The following RBFOX1 variants were observed in gnomAD, a reference collection of about 807,000 sequenced individuals.
The protein encoded by RBFOX1 is RNA binding fox-1 homolog 1.
A neutral mutation model predicts 57.7 loss-of-function variants in RBFOX1; 8 were observed. That is an observed-to-expected ratio of 0.14 (90% CI 0.08 to 0.25). RBFOX1 has a LOEUF of 0.25. Ranked by LOEUF, RBFOX1 falls within the 10% of genes least tolerant of loss-of-function variation. The pLI, the probability that RBFOX1 is intolerant of heterozygous loss-of-function variation, is 1.00. For missense variants in RBFOX1, 611 were observed against 548.5 expected, an observed-to-expected ratio of 1.11 and a Z score of -1.14; for synonymous variants, 326 against 222.4, an observed-to-expected ratio of 1.47 and a Z score of -4.15.
At chr16:7,028,949 G>A (rs1235409797) in intron 3 of RBFOX1, among the ~76,000 whole-genome samples, 1 of 148,976 alleles carries the variant, frequency 6.7e-6, no homozygotes, top group East Asian at 2.0e-4. Flanking sequence ...AAGTTTAAAT[G>A]ACCATAGCAG....
intron 4 of RBFOX1, chr16:7,328,556 C>T (rs1205903010): frequency 1.4e-5 from 2 of 146,836 alleles, no homozygotes; most frequent in Non-Finnish European, 3.0e-5. Context: ...ATGCCTTTAT[C>T]TAGAACAGGA....
At chr16:5,538,869 G>A (rs909517282) in intron 2 of RBFOX1, among the ~76,000 whole-genome samples, 8 of 152,122 alleles carry the variant, frequency 5.3e-5, no homozygotes, top group Non-Finnish European at 8.8e-5. Context: ...ATCATGATCT[G>A]CCCACCTCAG....
intron 2 of RBFOX1, among the ~76,000 whole-genome samples, chr16:5,523,711 C>T (rs1440506033): frequency 6.6e-6 from 1 of 152,222 alleles, no homozygotes; most frequent in Non-Finnish European, 1.5e-5. Context: ...AGTGGAGTTG[C>T]TGGATCAAGT....
chr16:6,517,673 C>T (rs1413606943), intron 2 of RBFOX1, among the ~76,000 whole-genome samples: 2 of 152,156 alleles, frequency 1.3e-5, no homozygotes, highest in African/African-American at 4.8e-5. Context: ...ATAAACTGGC[C>T]TCTTTCCTAT....
intron 4 of RBFOX1, among the ~76,000 whole-genome samples, chr16:5,893,840 A>G (rs536447483): frequency 2.6e-5 from 4 of 152,200 alleles, no homozygotes; most frequent in Admixed American, 1.3e-4. Flanking sequence ...CCATAAATAT[A>G]TGCACCTGCT....
At position 7,250,338 on chromosome 16, in the gene RBFOX1, A is replaced by T. The variant is rs188202993; in HGVS notation, c.27+198240A>T. On this transcript the variant is annotated intron_variant, in intron 4 of 15. Transcript: ENST00000550418. ...CGTGGGATGCTTATATTAATTGTTT[A>T]CTGGTGACCATGGATGCTGACACAA... Among the ~76,000 whole-genome samples, 311 of 152,282 alleles carry T rather than the reference A, an allele frequency of 2.0e-3. 2 individuals are homozygous for T. Among genetic ancestry groups the T allele is most frequent in the South Asian group, 1.0e-2 (48 of 4,824 alleles).
At chr16:5,713,517 C>T (rs994571036) in intron 3 of RBFOX1, among the ~76,000 whole-genome samples, 2 of 152,092 alleles carry the variant, frequency 1.3e-5, no homozygotes, top group African/African-American at 4.8e-5. Flanking sequence ...CTCTTTGTTC[C>T]TAAGGAGGGT....
intron 4 of RBFOX1, among the ~76,000 whole-genome samples, chr16:7,219,112 G>A (rs577268385): frequency 6.6e-6 from 1 of 152,286 alleles, no homozygotes; most frequent in South Asian, 2.1e-4. Context: ...ATTGCAGGCA[G>A]CTGAGCTGGC....
intron 4 of RBFOX1, among the ~76,000 whole-genome samples, chr16:7,207,655 G>A (rs1486525866): frequency 1.3e-5 from 2 of 152,174 alleles, no homozygotes; most frequent in Non-Finnish European, 2.9e-5. Flanking sequence ...AAGAAGGATG[G>A]AGCGGAAGAA....
chr16:6,946,795 C>G (rs76751712), intron 3 of RBFOX1, among the ~76,000 whole-genome samples: 11,053 of 152,134 alleles, frequency 0.073, 465 homozygotes, highest in Middle Eastern at 0.092. Flanking sequence ...TTTGCAGAGA[C>G]AGGGTCTCAC....
chr16:5,852,001 T>G (rs1203490308), intron 3 of RBFOX1, among the ~76,000 whole-genome samples: 1 of 152,188 alleles, frequency 6.6e-6, no homozygotes, highest in African/African-American at 2.4e-5. Flanking sequence ...TTCCCTTCTC[T>G]GTTTTTAAAA....
chr16:6,849,434 G>C (rs761872726), intron 3 of RBFOX1, among the ~76,000 whole-genome samples: 159 of 152,320 alleles, frequency 1.0e-3, no homozygotes, highest in Non-Finnish European at 1.9e-3. Context: ...TTGGGAGGCT[G>C]AGGCTGGTAG....
intron 4 of RBFOX1, among the ~76,000 whole-genome samples, chr16:7,336,777 T>C (rs2096796402): frequency 6.6e-6 from 1 of 152,232 alleles, no homozygotes; most frequent in African/African-American, 2.4e-5. Context: ...CCTATATCTG[T>C]AATTGTAAAT....
intron 1 of RBFOX1, among the ~76,000 whole-genome samples, chr16:6,234,252 C>A (rs993298089): frequency 3.3e-5 from 5 of 152,184 alleles, no homozygotes; most frequent in Non-Finnish European, 5.9e-5. Context: ...TTCCTGCCCA[C>A]TGTCAATTTT....
In RBFOX1 at chr16:6,479,598, A is replaced by C. The variant is rs538820929; in HGVS notation, c.-64+162541A>C. Among the ~76,000 whole-genome samples, 5 of 152,152 alleles carry C rather than the reference A, an allele frequency of 3.3e-5. 1 individual carries two copies. In the South Asian group the frequency reaches 6.2e-4, roughly 19 times the overall value. On this transcript the variant is annotated intron_variant, in intron 2 of 15. Coordinates refer to ENST00000550418, the MANE Select transcript of RBFOX1 (RefSeq NM_018723.4). ...ACGAGATGCTGTCTCAAAAAAGAAA[A>C]AGAAAAGAAAACCATGAAACCATCA...
chr16:6,088,733 A>G (rs963911451), intron 1 of RBFOX1, among the ~76,000 whole-genome samples: 2 of 152,162 alleles, frequency 1.3e-5, no homozygotes, highest in African/African-American at 2.4e-5. Flanking sequence ...TGCAGACTGT[A>G]GGTATTACAT....
At chr16:5,512,189 G>A (rs1214167594) in intron 2 of RBFOX1, among the ~76,000 whole-genome samples, 1 of 152,212 alleles carries the variant, frequency 6.6e-6, no homozygotes, top group Non-Finnish European at 1.5e-5. Flanking sequence ...GAGTTTGCAC[G>A]AGGGTGAGCA....
chr16:6,379,517 G>A (rs2091568068), intron 2 of RBFOX1, among the ~76,000 whole-genome samples: 1 of 151,988 alleles, frequency 6.6e-6, no homozygotes, highest in African/African-American at 2.4e-5. Flanking sequence ...AGAACCCACT[G>A]AAAAAAACTG....
intron 4 of RBFOX1, among the ~76,000 whole-genome samples, chr16:7,096,025 A>G (rs8053165): frequency 0.1 from 15,235 of 148,402 alleles, 902 homozygotes; most frequent in East Asian, 0.19. Context: ...AAAAAAAAAA[A>G]AAAAGAAAAG....
Sources: gnomAD v4.1 joint callset for allele counts (sites outside exome capture counted in the v4.1 genomes callset) on GRCh38, gnomAD v4.1.1 for gene constraint, MANE v1.5 for transcripts, NCBI Gene and HGNC (gene_info 2026-07-23, HGNC 2026-07-21) for gene names.